The following MYO1E variants were observed in gnomAD, a reference collection of about 807,000 sequenced individuals.
MYO1E encodes myosin IE, also known as unconventional myosin-Ie.
Under a neutral mutation model 151.1 loss-of-function variants are expected in MYO1E, and 68 were observed. That is an observed-to-expected ratio of 0.45 (90% CI 0.37 to 0.55). The LOEUF (loss-of-function observed/expected upper bound fraction) is 0.55, where lower values mean the gene tolerates loss of function less well. Ranked by LOEUF, MYO1E falls within the 20% of genes least tolerant of loss-of-function variation. MYO1E has a pLI of 0.00. For synonymous variants in MYO1E, 601 were observed against 501.7 expected, an observed-to-expected ratio of 1.20 and a Z score of -2.64; for missense variants, 1,363 against 1,389.3, an observed-to-expected ratio of 0.98 and a Z score of 0.30.
intron 3 of MYO1E, among the ~76,000 whole-genome samples, chr15:59,260,648 T>A (rs1178771525): frequency 9.9e-5 from 15 of 152,198 alleles, no homozygotes. Flanking sequence ...TGGAGCTGAT[T>A]ATGAATAGGA....
At chr15:59,161,922 T>C (rs2079540213) in intron 23 of MYO1E, among the ~76,000 whole-genome samples, 1 of 152,248 alleles carries the variant, frequency 6.6e-6, no homozygotes, top group Non-Finnish European at 1.5e-5. Flanking sequence ...CTGCCTATTA[T>C]AAGTTTCCCT....
At chr15:59,335,156 T>C (rs962836674) in intron 1 of MYO1E, among the ~76,000 whole-genome samples, 4 of 152,234 alleles carry the variant, frequency 2.6e-5, no homozygotes, top group Non-Finnish European at 5.9e-5. Context: ...ATAATCTTTA[T>C]TCATTATTTG....
At chr15:59,186,215 G>A (rs1157958996) in intron 18 of MYO1E, among the ~76,000 whole-genome samples, 1 of 152,050 alleles carries the variant, frequency 6.6e-6, no homozygotes, top group Non-Finnish European at 1.5e-5. Flanking sequence ...CTCAAATGTG[G>A]GGGACTGAGT....
intron 1 of MYO1E, among the ~76,000 whole-genome samples, chr15:59,291,419 G>A (rs913801348): frequency 1.3e-5 from 2 of 152,176 alleles, no homozygotes; most frequent in African/African-American, 4.8e-5. Flanking sequence ...TTGTTTGTTG[G>A]TGTTTGTTGG....
intron 16 of MYO1E, among the ~76,000 whole-genome samples, chr15:59,201,492 C>T (rs2140333602): frequency 6.6e-6 from 1 of 151,484 alleles, no homozygotes; most frequent in Non-Finnish European, 1.5e-5. Flanking sequence ...GCAACCTCTG[C>T]CTCCAGGGTT....
chr15:59,339,917 G>A (rs1023994650), intron 1 of MYO1E, among the ~76,000 whole-genome samples: 4 of 150,060 alleles, frequency 2.7e-5, no homozygotes, highest in African/African-American at 7.4e-5. Flanking sequence ...GCACAATCCC[G>A]GCTTACTGCA....
At chr15:59,339,762 A>G (rs2080752020) in intron 1 of MYO1E, among the ~76,000 whole-genome samples, 1 of 152,224 alleles carries the variant, frequency 6.6e-6, no homozygotes, top group Non-Finnish European at 1.5e-5. Flanking sequence ...CCAAGGCCTG[A>G]AGACTGCTTG....
chr15:59,199,983 T>C (rs1196477624), intron 16 of MYO1E, among the ~76,000 whole-genome samples: 3 of 152,148 alleles, frequency 2.0e-5, no homozygotes, highest in African/African-American at 7.2e-5. Context: ...TGGGAAAACA[T>C]GCTGTACTCT....
In MYO1E at chr15:59,138,255, G is replaced by C; in HGVS notation, c.3193C>G (p.Gln1065Glu). Reference sequence around the variant, plus strand: ...TTAAAGCTGAGTTCGTCTGTGTCCTGAGCGTCATAGGCATACAAAGCCTTG... The same window carrying C: ...TTAAAGCTGAGTTCGTCTGTGTCCTCAGCGTCATAGGCATACAAAGCCTTG... ...QCKALYAYDA[Q>E]DTDELSFNAN... The change falls in exon 27 of 28, where the codon CAG becomes GAG. Residue 1065 changes from glutamine to glutamate, a missense_variant. Transcript: ENST00000288235. The C allele has an allele frequency of 6.2e-7, 1 of 1,614,248 alleles. No homozygotes were observed. Among genetic ancestry groups the C allele is most frequent in the South Asian group, 1.1e-5 (1 of 91,086 alleles).
chr15:59,372,154 C>A (rs1416467058), intron 1 of MYO1E, among the ~76,000 whole-genome samples: 1 of 151,632 alleles, frequency 6.6e-6, no homozygotes, highest in Non-Finnish European at 1.5e-5. Flanking sequence ...CTGCGCCCCC[C>A]ACGTCCCAGC....
intron 1 of MYO1E, among the ~76,000 whole-genome samples, chr15:59,273,454 A>G (rs1459851100): frequency 1.1e-4 from 17 of 152,324 alleles, no homozygotes; most frequent in African/African-American, 3.8e-4. Context: ...CACCTAGATA[A>G]TGATGGAATA....
At chr15:59,171,684 A>G (rs1432401487) in intron 22 of MYO1E, among the ~76,000 whole-genome samples, 6 of 152,182 alleles carry the variant, frequency 3.9e-5, no homozygotes, top group African/African-American at 1.4e-4. Context: ...AGCTGTCCGG[A>G]GGCAACCTTT....
intron 1 of MYO1E, among the ~76,000 whole-genome samples, chr15:59,362,391 G>A (rs1283726215): frequency 1.3e-5 from 2 of 152,068 alleles, no homozygotes; most frequent in South Asian, 4.1e-4. Flanking sequence ...TGTTTTGTTT[G>A]TTCTCGTGAT....
At chr15:59,331,525 T>C (rs569024842) in intron 1 of MYO1E, among the ~76,000 whole-genome samples, 1 of 152,158 alleles carries the variant, frequency 6.6e-6, no homozygotes, top group Admixed American at 6.5e-5. Context: ...AAAGATCAGA[T>C]AGACTCTCCT....
chr15:59,277,236 A>G (rs1440131197), intron 1 of MYO1E, among the ~76,000 whole-genome samples: 1 of 152,132 alleles, frequency 6.6e-6, no homozygotes, highest in Non-Finnish European at 1.5e-5. Flanking sequence ...ATATATAAAC[A>G]TAGTTAACTA....
chr15:59,160,126 G>A (rs755965413), intron 24 of MYO1E, among the ~76,000 whole-genome samples: 11 of 151,976 alleles, frequency 7.2e-5, no homozygotes, highest in South Asian at 4.2e-4. Context: ...ATGAGCCACC[G>A]TGCCTGGCCT....
At chr15:59,317,398 A>G (rs2080595909) in intron 1 of MYO1E, among the ~76,000 whole-genome samples, 1 of 152,204 alleles carries the variant, frequency 6.6e-6, no homozygotes, top group South Asian at 2.1e-4. Flanking sequence ...ATGAGTCATG[A>G]TAACATGTAG....
intron 17 of MYO1E, among the ~76,000 whole-genome samples, chr15:59,191,915 G>C (rs183622795): frequency 2.0e-5 from 3 of 152,286 alleles, no homozygotes; most frequent in Admixed American, 2.0e-4. Context: ...AGAGAACTCT[G>C]CAAGGCAGCA....
At chr15:59,228,942 T>G (rs369267718) in intron 6 of MYO1E, among the ~76,000 whole-genome samples, 4 of 152,206 alleles carry the variant, frequency 2.6e-5, no homozygotes, top group Non-Finnish European at 4.4e-5. Flanking sequence ...TGATGATTCT[T>G]TTCCTCCAGG....
Sources: gnomAD v4.1 joint callset for allele counts (sites outside exome capture counted in the v4.1 genomes callset) on GRCh38, gnomAD v4.1.1 for gene constraint, MANE v1.5 for transcripts, NCBI Gene and HGNC (gene_info 2026-07-23, HGNC 2026-07-21) for gene names.